Variants in FRMPD1 observed in about 807,000 individuals in gnomAD.
FRMPD1 encodes FERM and PDZ domain-containing protein 1.
Under a neutral mutation model 117.8 loss-of-function variants are expected in FRMPD1, and 76 were observed. That is an observed-to-expected ratio of 0.65 (90% CI 0.54 to 0.78). FRMPD1 has a LOEUF of 0.78. FRMPD1 is among the 30% of genes least tolerant of loss of function. The probability of loss-of-function intolerance (pLI) is 0.00; values close to 1 mark genes in which losing one functional copy is unlikely to be tolerated. For synonymous variants in FRMPD1, 783 were observed against 770.4 expected (o/e 1.02, Z -0.27); for missense variants, 1,786 against 1,964.5 (o/e 0.91, Z 1.72).
Position 37,723,926 on chromosome 9 carries a change from G to A in FRMPD1, c.517-299G>A, listed in dbSNP as rs1023261087. ...GACAGGAGAATTTGCTTGAACCCAG[G>A]AGGTGGAAGTTGCAGTGAGCCAAGA... On this transcript the variant is annotated intron_variant, in intron 6 of 15. Coordinates refer to ENST00000377765, the MANE Select transcript of FRMPD1 (RefSeq NM_014907.3). 5.9e-5 allele frequency among the ~76,000 whole-genome samples: 9 copies of A among 152,238 alleles called. No individual in the cohort carries two copies. In the South Asian group the frequency reaches 1.9e-3, roughly 32 times the overall value.
At chr9:37,646,008 C>T (rs1824133858), upstream of FRMPD1, among the ~76,000 whole-genome samples, 1 of 152,128 alleles carries the variant, frequency 6.6e-6, no homozygotes, top group Non-Finnish European at 1.5e-5. Context: ...AGCCACATAG[C>T]AAGAGAGGGA....
intron 8 of FRMPD1, among the ~76,000 whole-genome samples, chr9:37,730,470 T>C (rs143047566): frequency 0.011 from 1,630 of 152,338 alleles, 38 homozygotes; most frequent in African/African-American, 0.036. Context: ...TGAACATTCC[T>C]CTTTGCAGAT....
chr9:37,683,623 G>T (rs962591548), intron 1 of FRMPD1, among the ~76,000 whole-genome samples: 2 of 152,194 alleles, frequency 1.3e-5, no homozygotes, highest in Non-Finnish European at 2.9e-5. Flanking sequence ...AAAGCCTTTG[G>T]GGGGAACAAC....
At chr9:37,686,684 T>C (rs1004524512) in intron 1 of FRMPD1, among the ~76,000 whole-genome samples, 1 of 152,212 alleles carries the variant, frequency 6.6e-6, no homozygotes, top group Non-Finnish European at 1.5e-5. Context: ...ATTAGAACCA[T>C]GTATGTTTAT....
At chr9:37,660,922 A>G (rs963384210) in intron 1 of FRMPD1, among the ~76,000 whole-genome samples, 2 of 152,222 alleles carry the variant, frequency 1.3e-5, no homozygotes, top group African/African-American at 4.8e-5. Flanking sequence ...CCTTAGCTGC[A>G]TCTGGCTCCC....
chr9:37,700,216 C>G (rs113468005), intron 2 of FRMPD1, among the ~76,000 whole-genome samples: 25 of 152,120 alleles, frequency 1.6e-4, no homozygotes, highest in African/African-American at 5.8e-4. Context: ...TTTCCTGAAT[C>G]CTGTTTTTAA....
chr9:37,660,746 C>T (rs1425544538), intron 1 of FRMPD1, among the ~76,000 whole-genome samples: 2 of 152,170 alleles, frequency 1.3e-5, no homozygotes, highest in Non-Finnish European at 2.9e-5. Context: ...CAATACTCCC[C>T]AGACAGTGTG....
intron 10 of FRMPD1, 113 bp from the exon 11 acceptor site, chr9:37,733,360 G>C (rs566568909): frequency 4.0e-6 from 4 of 996,932 alleles, no homozygotes; most frequent in African/African-American, 1.6e-5. Flanking sequence ...AAAGTGGCTC[G>C]TAATTGCTGT....
intron 1 of FRMPD1, among the ~76,000 whole-genome samples, chr9:37,682,301 A>G (rs1821755992): frequency 6.6e-6 from 1 of 152,230 alleles, no homozygotes; most frequent in African/African-American, 2.4e-5. Flanking sequence ...AATGAAATCT[A>G]CAGGTGAAAA....
intron 15 of FRMPD1, among the ~76,000 whole-genome samples, chr9:37,743,716 T>A (rs1368196341): frequency 6.6e-6 from 1 of 151,034 alleles, no homozygotes; most frequent in Non-Finnish European, 1.5e-5. Context: ...ATTAAATGGA[T>A]CTTAGGCATC....
At chr9:37,634,006 C>T in the FRMPD1 span, among the ~76,000 whole-genome samples, 14 of 152,190 alleles carry the variant, frequency 9.2e-5, no homozygotes, top group African/African-American at 2.9e-4. Context: ...ACACTTTGTT[C>T]TTCTCCCCGG....
At position 37,692,096 on chromosome 9, in the gene FRMPD1, C is replaced by T. The variant is rs148838908; in HGVS notation, c.-4-542C>T. ...ATCTACCCTCTTAAATTTTTAAGCA[C>T]ACAATACAGTAACTATCTTTTTTAT... is the stretch of plus-strand genomic sequence containing the variant. On this transcript the variant is annotated intron_variant, in intron 1 of 15. Coordinates refer to ENST00000377765, the MANE Select transcript of FRMPD1 (RefSeq NM_014907.3). Among the ~76,000 whole-genome samples, 274 of 152,250 alleles carry T rather than the reference C, an allele frequency of 1.8e-3. 1 individual carries two copies. Among genetic ancestry groups the T allele is most frequent in the African/African-American group, 6.1e-3 (255 of 41,530 alleles).
At chr9:37,643,398 T>G in the FRMPD1 span, among the ~76,000 whole-genome samples, 1 of 152,214 alleles carries the variant, frequency 6.6e-6, no homozygotes, top group Non-Finnish European at 1.5e-5. Flanking sequence ...CTTTTTAATT[T>G]TGGTTTGGTA....
intron 1 of FRMPD1, among the ~76,000 whole-genome samples, chr9:37,662,648 A>T (rs1233388407): frequency 1.3e-5 from 2 of 152,220 alleles, no homozygotes; most frequent in Non-Finnish European, 2.9e-5. Flanking sequence ...TGAATGATGG[A>T]GACCAGGTCT....
chr9:37,740,365 G>A lies in FRMPD1; in HGVS notation c.1837G>A (p.Glu613Lys). 6.2e-7 allele frequency: 1 copy of A among 1,613,762 alleles called. No homozygotes were observed. Among genetic ancestry groups the A allele is most frequent in the South Asian group, 1.1e-5 (1 of 91,082 alleles). ...SGSSESMDALEEDDLDTCSSS... is the reference protein window; with the variant it reads ...SGSSESMDALKEDDLDTCSSS... ...CTCGAGTGAGTCCATGGACGCTCTG[G>A]AAGAGGATGACTTAGACACCTGCTC... Residue 613 changes from glutamate (E) to lysine (K), a missense_variant, in exon 15 of 16, where the codon GAA becomes AAA. Transcript: ENST00000377765. The surrounding 1 kb of genome is among the most constrained non-coding windows in gnomAD (Gnocchi z 4.2).
the FRMPD1 span, among the ~76,000 whole-genome samples, chr9:37,630,086 C>A: frequency 2.0e-5 from 3 of 152,154 alleles, no homozygotes; most frequent in East Asian, 5.8e-4. Context: ...GAGGGCTTCA[C>A]CCTCATTACC....
the FRMPD1 span, among the ~76,000 whole-genome samples, chr9:37,644,301 A>C: frequency 6.6e-6 from 1 of 152,192 alleles, no homozygotes; most frequent in African/African-American, 2.4e-5. Context: ...CAGGTAGCCC[A>C]GGATTGAAAG....
chr9:37,736,735 T>C (rs1300525185), intron 13 of FRMPD1, among the ~76,000 whole-genome samples: 4 of 152,020 alleles, frequency 2.6e-5, no homozygotes. Flanking sequence ...TCTGCAGGAA[T>C]GAACAGGGTG....
Position 37,746,765 on chromosome 9 carries a change from T to C in FRMPD1, c.4733T>C (p.Leu1578Pro). The stretch of plus-strand genomic sequence containing the variant: ...CAGAAGTTCCGGGCATCCACGGCCC[T>C]GTAAACAGGTCAACGGCCCAAGGGC... ...LTQKFRASTA[L>P] Residue 1578 changes from leucine (L) to proline (P), a missense_variant, in exon 16 of 16, where the codon CTG becomes CCG. Leu to Pro is a moderately conservative substitution (Grantham distance 98). Coordinates refer to ENST00000377765, the MANE Select transcript of FRMPD1 (RefSeq NM_014907.3). 6.2e-7 allele frequency: 1 copy of C among 1,612,892 alleles called. No individual in the cohort carries two copies. Among genetic ancestry groups the C allele is most frequent in the Non-Finnish European group, 8.5e-7 (1 of 1,179,134 alleles).
Sources: gnomAD v4.1 joint callset for allele counts (sites outside exome capture counted in the v4.1 genomes callset) on GRCh38, gnomAD v4.1.1 for gene constraint, Gnocchi (gnomAD v3.1) non-coding constraint, MANE v1.5 for transcripts, NCBI Gene and HGNC (gene_info 2026-07-23, HGNC 2026-07-21) for gene names.